Variants in HOOK1 observed in about 807,000 individuals in gnomAD.
HOOK1 encodes hook microtubule tethering protein 1, also known as protein Hook homolog 1.
A neutral mutation model predicts 112.8 loss-of-function variants in HOOK1; 60 were observed. The observed-to-expected ratio is 0.53, with a 90% CI of 0.43 to 0.66. HOOK1 has a LOEUF of 0.66. Ranked by LOEUF, HOOK1 falls within the 30% of genes least tolerant of loss-of-function variation. The pLI is 0.00. For missense variants in HOOK1, 770 were observed against 856.0 expected (o/e 0.90, Z 1.25); for synonymous variants, 294 against 283.8 (o/e 1.04, Z -0.36).
At chr1:59,837,093 G>A (rs1173259223) in intron 7 of HOOK1, among the ~76,000 whole-genome samples, 158 bp downstream of exon 7, 2 of 152,208 alleles carry the variant, frequency 1.3e-5, no homozygotes, top group African/African-American at 2.4e-5. Flanking sequence ...TGGCAGTGGT[G>A]TTGGTCTCCA....
Position 59,860,300 on chromosome 1 carries a change from A to G in HOOK1, c.1504A>G (p.Lys502Glu). 6.2e-7 allele frequency: 1 copy of G among 1,607,686 alleles called. No individual in the cohort carries two copies. Among genetic ancestry groups the G allele is most frequent in the Non-Finnish European group, 8.5e-7 (1 of 1,176,658 alleles). The change falls in exon 15 of 22, where the codon AAA becomes GAA. Residue 502 changes from lysine (K) to glutamate (E), a missense_variant. By Grantham distance (56) the Lys-to-Glu change is moderately conservative. Transcript: ENST00000371208. The part of the protein sequence containing the change: ...LQEQLEQKHR[K>E]MNELETEQRL... ...GGAGCAGCTAGAACAGAAACACCGT[A>G]AAATGAATGAACTGGAAACTGAGCA...
intron 12 of HOOK1, among the ~76,000 whole-genome samples, chr1:59,850,296 T>TA (rs1445599207): frequency 6.7e-6 from 1 of 148,552 alleles, no homozygotes; most frequent in East Asian, 1.9e-4. Flanking sequence ...TGATTTGCAG[T>TA]TTTTTTTTTC....
intron 2 of HOOK1, among the ~76,000 whole-genome samples, chr1:59,823,205 A>T (rs1574174177): frequency 6.6e-6 from 1 of 152,198 alleles, no homozygotes; most frequent in South Asian, 2.1e-4. Context: ...CTGTAGTCCC[A>T]GCTACTCGGG....
At chr1:59,864,578 A>G (rs1643924528) in intron 16 of HOOK1, 54 bp from the exon 17 acceptor site, 3 of 1,119,506 alleles carry the variant, frequency 2.7e-6, no homozygotes, top group Non-Finnish European at 4.0e-6. Flanking sequence ...ATGTCTGGAA[A>G]ATTGACCTTT....
At chr1:59,846,413 T>G (rs777290376) in intron 9 of HOOK1, among the ~76,000 whole-genome samples, 3 of 151,750 alleles carry the variant, frequency 2.0e-5, no homozygotes, top group Non-Finnish European at 4.4e-5. Context: ...ATTTCTTTCT[T>G]TATACTTAAC....
In HOOK1 at chr1:59,828,807, G is replaced by C. The variant is rs1203785423; in HGVS notation, c.177G>C (p.Trp59Cys). The change falls in exon 3 of 22, where the codon TGG (tryptophan) becomes TGC (cysteine). Residue 59 changes from tryptophan (W) to cysteine (C), a missense_variant. By Grantham distance (215) the Trp-to-Cys change is radical. This residue lies in a region of HOOK1 where 655 missense variants were observed against 725.9 expected (regional missense o/e 0.90). Transcript: ENST00000371208. Reference protein sequence around the residue: ...QIDAAWFNESWLSRIKEDVGD... With the variant: ...QIDAAWFNESCLSRIKEDVGD... ...ATGCAGCTTGGTTTAACGAATCTTG[G>C]TTAAGCCGAATTAAAGAGGATGTTG... 1 of 1,613,240 alleles carries C rather than the reference G, an allele frequency of 6.2e-7. No individual in the cohort carries two copies. Among genetic ancestry groups the C allele is most frequent in the East Asian group, 2.2e-5 (1 of 44,812 alleles).
chr1:59,830,234 T>C (rs2098392776), intron 3 of HOOK1, among the ~76,000 whole-genome samples: 1 of 152,088 alleles, frequency 6.6e-6, no homozygotes, highest in Non-Finnish European at 1.5e-5. Flanking sequence ...CATATCTTTA[T>C]TGATATTTTT....
In HOOK1 at chr1:59,821,952, T is replaced by G. The variant is rs1410527133; in HGVS notation, c.149+9T>G. ...CAAGTTCTTCATCAAATGTGAGTAG[T>G]GGTCAGACTCTCCCTGAAAAGCATT... On this transcript the variant is annotated intron_variant, in intron 2 of 21. Coordinates refer to ENST00000371208, the MANE Select transcript of HOOK1 (RefSeq NM_015888.6). 1 of 1,601,436 alleles carries G rather than the reference T, an allele frequency of 6.2e-7. No homozygotes were observed. Among genetic ancestry groups the G allele is most frequent in the Admixed American group, 1.7e-5 (1 of 59,818 alleles).
chr1:59,845,118 A>T (rs1019356689), intron 9 of HOOK1, among the ~76,000 whole-genome samples: 1 of 151,948 alleles, frequency 6.6e-6, no homozygotes, highest in Non-Finnish European at 1.5e-5. Flanking sequence ...AGGTACCAGC[A>T]GATTCAGTGT....
intron 12 of HOOK1, among the ~76,000 whole-genome samples, chr1:59,849,642 G>A (rs1462365231): frequency 6.6e-6 from 1 of 151,508 alleles, no homozygotes. Flanking sequence ...CGTTTACCCT[G>A]CACTCTAATC....
chr1:59,826,161 TCTTA>T (rs1394161542), intron 2 of HOOK1, among the ~76,000 whole-genome samples: 1 of 152,176 alleles, frequency 6.6e-6, no homozygotes, highest in African/African-American at 2.4e-5. Context: ...ATGTAGTAAT[TCTTA>T]CTTAGTTTTA....
intron 19 of HOOK1, 122 bp downstream of exon 19, chr1:59,866,094 C>A (rs1350205395): frequency 6.4e-6 from 4 of 625,152 alleles, no homozygotes; most frequent in Non-Finnish European, 1.2e-5. Flanking sequence ...AACTGTATTG[C>A]CTTACCTGTC....
rs1644090603 is a variant in HOOK1, at chr1:59,873,610, C to T, written c.*645C>T. On this transcript the variant is annotated 3_prime_UTR_variant, in exon 22 of 22. Transcript: ENST00000371208. The stretch of plus-strand genomic sequence containing the variant: ...TTTGCATATTCTGAAAATCTAATCT[C>T]ATAGTTCTAATTTGTACCTATGGCA... 2.0e-5 allele frequency: 3 copies of T among 151,144 alleles called. No homozygotes were observed. In the South Asian group the frequency reaches 6.3e-4, roughly 32 times the overall value. 9.4% of individuals were successfully genotyped at this position (151,144 alleles called of 1,614,324 possible).
At chr1:59,846,995 T>TTA in intron 9 of HOOK1, 50 bp from the exon 10 acceptor site, 1 of 1,463,656 alleles carries the variant, frequency 6.8e-7, no homozygotes, top group Non-Finnish European at 9.3e-7. Flanking sequence ...AATTATATAA[T>TTA]TATAACAAAT....
At chr1:59,872,013 T>G (rs1282313685) in intron 21 of HOOK1, among the ~76,000 whole-genome samples, 1 of 152,240 alleles carries the variant, frequency 6.6e-6, no homozygotes, top group Admixed American at 6.5e-5. Context: ...TATTTATTTG[T>G]TCTTCCATGA....
At chr1:59,836,840 GTTATAC>G (rs750761136) in intron 6 of HOOK1, 27 bp from the exon 7 acceptor site, 4 of 1,188,556 alleles carry the variant, frequency 3.4e-6, no homozygotes, top group Middle Eastern at 4.3e-4. Context: ...ACATCACATT[GTTATAC>G]TTAATTTTAT....
In HOOK1 at chr1:59,858,643, G is replaced by A. The variant is rs541714880; in HGVS notation, c.1330+128G>A. Reference sequence around the variant, plus strand: ...AGTCCTAGCTCTGGGAGGCTGAGGCGGGAGGATCACTTGAGCCTAGGAGTT... The same window carrying A: ...AGTCCTAGCTCTGGGAGGCTGAGGCAGGAGGATCACTTGAGCCTAGGAGTT... On this transcript the variant is annotated intron_variant, in intron 13 of 21. Coordinates refer to ENST00000371208, the MANE Select transcript of HOOK1 (RefSeq NM_015888.6). 29 of 675,218 alleles carry A rather than the reference G, an allele frequency of 4.3e-5. No homozygotes were observed. The African/African-American group carries it at 4.3e-4, about 10-fold the overall frequency. The allele number at this position is 675,218 out of a possible 1,614,324, so 41.8% of individuals were successfully genotyped here.
chr1:59,868,017 G>C (rs1015714259), intron 19 of HOOK1, among the ~76,000 whole-genome samples: 7 of 152,074 alleles, frequency 4.6e-5, no homozygotes, highest in Admixed American at 1.3e-4. Context: ...AGGGAAATTT[G>C]TTTTTGGAAT....
chr1:59,824,987 G>A (rs1335716550), intron 2 of HOOK1, among the ~76,000 whole-genome samples: 1 of 152,174 alleles, frequency 6.6e-6, no homozygotes, highest in Non-Finnish European at 1.5e-5. Context: ...TCTGGGCTAT[G>A]CTCCCTCCAA....
Sources: allele counts gnomAD v4.1 joint callset (sites outside exome capture counted in the v4.1 genomes callset), GRCh38; gene constraint gnomAD v4.1.1; regional missense constraint gnomAD v4.1.1; transcripts MANE v1.5; gene names NCBI Gene and HGNC (gene_info 2026-07-23, HGNC 2026-07-21).